PTPRD: variants seen among roughly 807,000 people sequenced by gnomAD.
PTPRD encodes receptor-type tyrosine-protein phosphatase delta.
A neutral mutation model predicts 214.5 loss-of-function variants in PTPRD; 34 were observed. The observed-to-expected ratio is 0.16, with a 90% CI of 0.12 to 0.21. PTPRD has a LOEUF of 0.21. Ranked by LOEUF, PTPRD falls within the 10% of genes least tolerant of loss-of-function variation. The probability of loss-of-function intolerance (pLI) is 1.00; values close to 1 mark genes in which losing one functional copy is unlikely to be tolerated. For missense variants in PTPRD, 2,545 were observed against 2,398.7 expected (o/e 1.06, Z -1.27); for synonymous variants, 1,128 against 845.7 (o/e 1.33, Z -5.79).
In PTPRD at chr9:9,102,747, T is replaced by C. The variant is rs181440613; in HGVS notation, c.-143+80557A>G. Among the ~76,000 whole-genome samples the C allele has an allele frequency of 6.6e-5, 10 of 152,378 alleles. No homozygotes were observed. In the East Asian group the frequency reaches 1.5e-3, roughly 23 times the overall value. On this transcript the variant is annotated intron_variant, in intron 10 of 45. Coordinates refer to ENST00000381196, the MANE Select transcript of PTPRD (RefSeq NM_002839.4). ...CTGTTATAAGTGACCCTGATTTCAC[T>C]GTACAAATTAATATTTTCAGGAAAT... is the stretch of plus-strand genomic sequence containing the variant.
intron 7 of PTPRD, among the ~76,000 whole-genome samples, chr9:9,731,296 T>A (rs2098187037): frequency 6.6e-6 from 1 of 152,154 alleles, no homozygotes; most frequent in South Asian, 2.1e-4. Flanking sequence ...CTGGTTTTAA[T>A]TTTACATTTA....
At chr9:9,216,385 G>C (rs527451986) in intron 9 of PTPRD, among the ~76,000 whole-genome samples, 2 of 152,008 alleles carry the variant, frequency 1.3e-5, no homozygotes, top group Non-Finnish European at 2.9e-5. Flanking sequence ...TACTTGCTTC[G>C]CAGGGTTACA....
intron 3 of PTPRD, among the ~76,000 whole-genome samples, chr9:10,099,927 C>A (rs2098535110): frequency 6.6e-6 from 1 of 151,688 alleles, no homozygotes; most frequent in African/African-American, 2.4e-5. Flanking sequence ...CCTCTATAAT[C>A]TATGAATGCA....
At chr9:8,318,558 C>A (rs1347549622) in intron 45 of PTPRD, among the ~76,000 whole-genome samples, 1 of 152,068 alleles carries the variant, frequency 6.6e-6, no homozygotes, top group East Asian at 1.9e-4. Context: ...CAGAAGGTAG[C>A]TGGTGCGGCA....
At chr9:10,011,425 AAAG>A (rs1259981498) in intron 4 of PTPRD, among the ~76,000 whole-genome samples, 2 of 152,002 alleles carry the variant, frequency 1.3e-5, no homozygotes, top group Non-Finnish European at 1.5e-5. Flanking sequence ...AAAACAAATA[AAAG>A]AAGAACTTAT....
chr9:9,302,770 C>G (rs1955881542), intron 9 of PTPRD, among the ~76,000 whole-genome samples: 1 of 151,566 alleles, frequency 6.6e-6, no homozygotes, highest in Non-Finnish European at 1.5e-5. Context: ...AGCAGTTCCT[C>G]ATTATTTTTT....
intron 37 of PTPRD, among the ~76,000 whole-genome samples, chr9:8,388,524 T>C (rs1252745149): frequency 3.9e-5 from 6 of 152,198 alleles, no homozygotes; most frequent in Non-Finnish European, 7.3e-5. Flanking sequence ...AGGAATATGG[T>C]ATACTGCTTA....
intron 10 of PTPRD, among the ~76,000 whole-genome samples, chr9:9,175,957 C>G (rs145769966): frequency 6.6e-5 from 10 of 152,284 alleles, no homozygotes; most frequent in African/African-American, 2.4e-4. Context: ...TTATATATCA[C>G]TCTTGAACTC....
rs2099972337 is a variant in PTPRD, at chr9:9,245,000, A to G, written c.-202-61637T>C. On this transcript the variant is annotated intron_variant, in intron 9 of 45. Coordinates refer to ENST00000381196, the MANE Select transcript of PTPRD (RefSeq NM_002839.4). Reference sequence around the variant, plus strand: ...AGGATAAGAACAGACACTTCTCAAAAGAAGACATTTATGCAGCCAACAGAT... The same window carrying G: ...AGGATAAGAACAGACACTTCTCAAAGGAAGACATTTATGCAGCCAACAGAT... Among the ~76,000 whole-genome samples, 3 of 152,340 alleles carry G rather than the reference A, an allele frequency of 2.0e-5. No homozygotes were observed. In the East Asian group the frequency reaches 5.8e-4, roughly 29 times the overall value.
intron 12 of PTPRD, among the ~76,000 whole-genome samples, chr9:8,706,044 T>C (rs2098199892): frequency 6.6e-6 from 1 of 152,120 alleles, no homozygotes. Flanking sequence ...ACCAGAAAAG[T>C]ACAGGACTCA....
At chr9:9,045,966 T>C (rs1359286351) in intron 10 of PTPRD, among the ~76,000 whole-genome samples, 1 of 152,184 alleles carries the variant, frequency 6.6e-6, no homozygotes, top group Non-Finnish European at 1.5e-5. Context: ...GCTGCCTCGG[T>C]TCTGCACAGT....
intron 5 of PTPRD, among the ~76,000 whole-genome samples, chr9:9,833,778 T>G (rs1469609922): frequency 1.3e-5 from 2 of 151,976 alleles, no homozygotes; most frequent in African/African-American, 4.8e-5. Flanking sequence ...TTCTCCCATT[T>G]GCTTTTGAAA....
intron 5 of PTPRD, among the ~76,000 whole-genome samples, chr9:9,823,183 G>A (rs1318020883): frequency 6.6e-6 from 1 of 152,068 alleles, no homozygotes; most frequent in Non-Finnish European, 1.5e-5. Context: ...AAGAAAAGAG[G>A]TAATCAGTTC....
intron 3 of PTPRD, among the ~76,000 whole-genome samples, chr9:10,068,827 T>A (rs990012464): frequency 6.6e-6 from 1 of 151,948 alleles, no homozygotes; most frequent in African/African-American, 2.4e-5. Context: ...TCACTCTGTT[T>A]AGTACACATG....
At chr9:10,336,629 G>C (rs916058085) in intron 3 of PTPRD, among the ~76,000 whole-genome samples, 1 of 151,438 alleles carries the variant, frequency 6.6e-6, no homozygotes. Context: ...ATTAGGTCTA[G>C]GTAATATTTA....
chr9:9,931,400 A>G (rs1383755650), intron 5 of PTPRD, among the ~76,000 whole-genome samples: 1 of 152,202 alleles, frequency 6.6e-6, no homozygotes, highest in Non-Finnish European at 1.5e-5. Context: ...AGGGCGAGGC[A>G]TTGCCTCACT....
intron 10 of PTPRD, among the ~76,000 whole-genome samples, chr9:9,176,776 C>T (rs905565284): frequency 1.1e-4 from 17 of 152,134 alleles, no homozygotes; most frequent in Non-Finnish European, 1.5e-5. Context: ...GGATGAGGCC[C>T]TTGCCAGGTG....
intron 14 of PTPRD, among the ~76,000 whole-genome samples, chr9:8,550,792 AC>A (rs1401120077): frequency 2.6e-5 from 4 of 152,234 alleles, no homozygotes; most frequent in Admixed American, 2.6e-4. Flanking sequence ...CCTGACAAGA[AC>A]ACCCAAGGCA....
At chr9:9,391,658 T>C (rs2065882960) in intron 9 of PTPRD, among the ~76,000 whole-genome samples, 2 of 152,180 alleles carry the variant, frequency 1.3e-5, no homozygotes, top group Admixed American at 6.5e-5. Flanking sequence ...AAATCTCTAC[T>C]TGATATATTA....
Sources: gnomAD v4.1 joint callset for allele counts (sites outside exome capture counted in the v4.1 genomes callset) on GRCh38, gnomAD v4.1.1 for gene constraint, MANE v1.5 for transcripts, NCBI Gene and HGNC (gene_info 2026-07-23, HGNC 2026-07-21) for gene names.